CPNE1: variants seen among roughly 807,000 people sequenced by gnomAD.
CPNE1 encodes the protein copine 1.
In CPNE1, 58 loss-of-function variants were observed where a neutral mutation model predicts 63.2. That is an observed-to-expected ratio of 0.92 (90% CI 0.74 to 1.14). CPNE1 has a LOEUF of 1.14. Ranked by LOEUF, CPNE1 falls within the 50% of genes most tolerant of loss-of-function variation. The probability of loss-of-function intolerance (pLI) is 0.00; values close to 1 mark genes in which losing one functional copy is unlikely to be tolerated. For synonymous variants in CPNE1, 237 were observed against 249.0 expected, an observed-to-expected ratio of 0.95 and a Z score of 0.45; for missense variants, 672 against 661.7, an observed-to-expected ratio of 1.02 and a Z score of -0.17.
intron 1 of CPNE1, chr20:35,652,816 C>T (rs753670208): frequency 1.9e-6 from 3 of 1,606,326 alleles, no homozygotes; most frequent in Admixed American, 1.7e-5. Flanking sequence ...ATGGATTGGG[C>T]CAGGGCCGGG....
intron 1 of CPNE1, chr20:35,654,063 T>A (rs2033728661): frequency 1.9e-6 from 3 of 1,614,088 alleles, no homozygotes; most frequent in African/African-American, 1.3e-5. Context: ...ATCTTGACCT[T>A]GATCTTTTCT....
intron 12 of CPNE1, 119 bp from the exon 13 acceptor site, chr20:35,630,609 A>AC: frequency 6.9e-7 from 1 of 1,440,300 alleles, no homozygotes; most frequent in Non-Finnish European, 9.8e-7. Flanking sequence ...CTTGCTGTCT[A>AC]CGTGCCTGCA....
chr20:35,633,584 G>A (rs2032302670), intron 1 of CPNE1, among the ~76,000 whole-genome samples: 1 of 152,104 alleles, frequency 6.6e-6, no homozygotes, highest in Non-Finnish European at 1.5e-5. Context: ...CTTATTCTAT[G>A]CTGTCTCCAC....
At position 35,626,216 on chromosome 20, in the gene CPNE1, G is replaced by T; in HGVS notation, c.*25C>A. 1.2e-6 allele frequency: 2 copies of T among 1,613,732 alleles called. No individual in the cohort carries two copies. Among genetic ancestry groups the T allele is most frequent in the Admixed American group, 1.7e-5 (1 of 60,016 alleles). ...GGGACCTCTGGGACACAGGATTGAG[G>T]ACTTGCCACAGCCTCCAAGGGAACC... On this transcript the variant is annotated 3_prime_UTR_variant, in exon 16 of 16. Transcript: ENST00000397443.
chr20:35,634,332 T>C (rs1323525533), intron 1 of CPNE1, among the ~76,000 whole-genome samples: 2 of 150,582 alleles, frequency 1.3e-5, no homozygotes, highest in Non-Finnish European at 2.9e-5. Flanking sequence ...CATTTCCTAC[T>C]GAGCTTAGAA....
At chr20:35,663,967 C>A (rs977776318) in intron 1 of CPNE1, among the ~76,000 whole-genome samples, 3 of 152,204 alleles carry the variant, frequency 2.0e-5, no homozygotes, top group African/African-American at 7.2e-5. Flanking sequence ...GATCCTCTCC[C>A]GAGGGAGCCG....
At chr20:35,662,167 C>CA (rs1469776484) in intron 1 of CPNE1, among the ~76,000 whole-genome samples, 2 of 152,154 alleles carry the variant, frequency 1.3e-5, no homozygotes, top group East Asian at 3.8e-4. Context: ...ATTCCGTACT[C>CA]AAAGGCAGCA....
chr20:35,627,988 T>TA (rs36077529), intron 13 of CPNE1, among the ~76,000 whole-genome samples: 1 of 151,298 alleles, frequency 6.6e-6, no homozygotes, highest in East Asian at 2.0e-4. Context: ...ACTTAAAAAA[T>TA]AAAAAAACTA....
rs771002167 is a variant in CPNE1, at chr20:35,626,133, C to CA, written c.*107dup. 1 of 1,182,094 alleles carries CA rather than the reference C, an allele frequency of 8.5e-7. No homozygotes were observed. The highest frequency in any genetic ancestry group is 1.5e-5 in the African/African-American group (1 of 65,392). 73.2% of individuals were successfully genotyped at this position (1,182,094 alleles called of 1,614,324 possible). ...AAAGCAGAAACAAGTATAAAAGTAT[C>CA]AAAAAATACAAAGTGCTAGCACTGA... On this transcript the variant is annotated 3_prime_UTR_variant, in exon 16 of 16. Transcript: ENST00000397443.
chr20:35,663,620 T>A (rs1444427147), intron 1 of CPNE1, among the ~76,000 whole-genome samples: 1 of 152,152 alleles, frequency 6.6e-6, no homozygotes, highest in Non-Finnish European at 1.5e-5. Flanking sequence ...CCCAGAAATC[T>A]CTTAAAGTCT....
At chr20:35,653,789 C>G (rs2033711376) in intron 1 of CPNE1, 1 of 1,613,872 alleles carries the variant, frequency 6.2e-7, no homozygotes, top group African/African-American at 1.3e-5. Flanking sequence ...TCTATCTTTT[C>G]TAGCATACCT....
chr20:35,657,746 T>G (rs1462595115), intron 1 of CPNE1, among the ~76,000 whole-genome samples: 1 of 152,216 alleles, frequency 6.6e-6, no homozygotes, highest in Non-Finnish European at 1.5e-5. Context: ...AAAAATTGTT[T>G]CTAGCTTCCA....
In CPNE1 at chr20:35,626,614, C is replaced by A; in HGVS notation, c.1426G>T (p.Ala476Ser). 1.9e-6 allele frequency: 3 copies of A among 1,614,188 alleles called. No homozygotes were observed. The highest frequency in any genetic ancestry group is 2.5e-6 in the Non-Finnish European group (3 of 1,180,028). Reference protein sequence around the residue: ...GPLHTRSGQAAARDIVQFVPY... With the variant: ...GPLHTRSGQASARDIVQFVPY... ...ACAAACTGCACAATGTCGCGGGCAG[C>A]AGCCTGCCCAGAACGTGTATGCAGG... is the stretch of plus-strand genomic sequence containing the variant. The change falls in exon 15 of 16, where the codon GCT (alanine) becomes TCT (serine). Residue 476 changes from alanine (A) to serine (S), a missense_variant. By Grantham distance (99) the Ala-to-Ser change is moderately conservative. Coordinates refer to ENST00000397443, the MANE Select transcript of CPNE1 (RefSeq NM_152925.3).
intron 1 of CPNE1, among the ~76,000 whole-genome samples, chr20:35,636,261 G>A (rs1280485735): frequency 6.6e-6 from 1 of 152,188 alleles, no homozygotes; most frequent in Admixed American, 6.5e-5. Flanking sequence ...AAGGGATCAG[G>A]ATCACAGCTT....
intron 13 of CPNE1, among the ~76,000 whole-genome samples, chr20:35,629,629 C>T (rs1188343873): frequency 2.0e-5 from 3 of 151,848 alleles, no homozygotes; most frequent in Admixed American, 6.6e-5. Flanking sequence ...AGAGATTAAG[C>T]AACCTGCCCC....
chr20:35,652,409 G>A (rs1312067143), intron 1 of CPNE1: 14 of 1,241,742 alleles, frequency 1.1e-5, no homozygotes, highest in Non-Finnish European at 1.1e-6. Flanking sequence ...TGGAAACCAA[G>A]CTATATGCAA....
intron 1 of CPNE1, chr20:35,654,975 C>CCTG: frequency 6.2e-7 from 1 of 1,614,090 alleles, no homozygotes; most frequent in Non-Finnish European, 8.5e-7. Flanking sequence ...GCAAGTTTAC[C>CCTG]CTGCTACTCA....
chr20:35,657,566 C>T (rs762908333), intron 1 of CPNE1, among the ~76,000 whole-genome samples: 3 of 152,108 alleles, frequency 2.0e-5, no homozygotes, highest in African/African-American at 7.2e-5. Flanking sequence ...GTGACATACA[C>T]AGTTAAGTCT....
At chr20:35,635,277 A>G (rs2032424460) in intron 1 of CPNE1, among the ~76,000 whole-genome samples, 1 of 152,194 alleles carries the variant, frequency 6.6e-6, no homozygotes, top group Admixed American at 6.5e-5. Flanking sequence ...AATGTCTAAC[A>G]TTATATACAT....
Sources: gnomAD v4.1 joint callset for allele counts (sites outside exome capture counted in the v4.1 genomes callset) on GRCh38, gnomAD v4.1.1 for gene constraint, MANE v1.5 for transcripts, NCBI Gene and HGNC (gene_info 2026-07-23, HGNC 2026-07-21) for gene names.